The following AMER1 variants were observed in gnomAD, a reference collection of about 807,000 sequenced individuals.
AMER1 encodes the protein RP11-403E24.2.
AMER1 carries 16 observed loss-of-function variants against 53.0 expected under a neutral mutation model. That is an observed-to-expected ratio of 0.30 (90% CI 0.20 to 0.46). The LOEUF (loss-of-function observed/expected upper bound fraction) is 0.46, where lower values mean the gene tolerates loss of function less well. Ranked by LOEUF, AMER1 falls within the 20% of genes least tolerant of loss-of-function variation. The probability of loss-of-function intolerance (pLI) is 1.00; values close to 1 mark genes in which losing one functional copy is unlikely to be tolerated. For missense variants in AMER1, 947 were observed against 884.9 expected (o/e 1.07, Z -0.89); for synonymous variants, 354 against 331.9 (o/e 1.07, Z -0.73).
Position 64,189,793 on chromosome X carries a change from A to G in AMER1, c.*86T>C. On this transcript the variant is annotated 3_prime_UTR_variant, in exon 2 of 2. Coordinates refer to ENST00000374869, the MANE Select transcript of AMER1 (RefSeq NM_152424.4). ...CAAAGGGTTTTCAAGTTAAACAACA[A>G]CCCCCACCCCCCCACCCTTCTGCCC... The G allele has an allele frequency of 1.8e-4, 53 of 291,454 alleles. No individual in the cohort carries two copies. The highest frequency in any genetic ancestry group is 1.0e-3 in the East Asian group (6 of 5,955). 24.0% of individuals were successfully genotyped at this position (291,454 alleles called of 1,213,427 possible). A position where few individuals can be genotyped will look rare whatever the true frequency, so the allele number is the denominator to read the frequency against.
chrX:64,188,901 T>C lies in AMER1; in HGVS notation c.*978A>G. 1.2e-6 allele frequency: 1 copy of C among 807,684 alleles called. No individual in the cohort carries two copies. Among genetic ancestry groups the C allele is most frequent in the Non-Finnish European group, 1.5e-6 (1 of 672,236 alleles). 66.6% of individuals were successfully genotyped at this position (807,684 alleles called of 1,213,427 possible). A position where few individuals can be genotyped will look rare whatever the true frequency, so the allele number is the denominator to read the frequency against. On this transcript the variant is annotated 3_prime_UTR_variant, in exon 2 of 2. Transcript: ENST00000374869. ...TCCTTGTGATGAGATTATGAAAATT[T>C]CCTTTAGAGGAAAAAAGAACAAAAA...
Position 64,188,337 on chromosome X carries a change from T to C in AMER1, c.*1542A>G. 2.5e-6 allele frequency: 2 copies of C among 802,497 alleles called. No homozygotes were observed. The highest frequency in any genetic ancestry group is 3.0e-6 in the Non-Finnish European group (2 of 668,668). The allele number at this position is 802,497 out of a possible 1,213,427, so 66.1% of individuals were successfully genotyped here. A position where few individuals can be genotyped will look rare whatever the true frequency, so the allele number is the denominator to read the frequency against. On this transcript the variant is annotated 3_prime_UTR_variant, in exon 2 of 2. Coordinates refer to ENST00000374869, the MANE Select transcript of AMER1 (RefSeq NM_152424.4). ...AAAAGGAACCCTCTCCTACAGGTGATTAATGAGAGGTTGAGCTTGGCAAGA... is the reference window on the plus strand; with the variant it reads ...AAAAGGAACCCTCTCCTACAGGTGACTAATGAGAGGTTGAGCTTGGCAAGA...
At chrX:64,194,606 A>T (rs1930328389) in intron 1 of AMER1, among the ~76,000 whole-genome samples, 1 of 111,354 alleles carries the variant, frequency 9.0e-6, no homozygotes, top group Non-Finnish European at 1.9e-5. Context: ...GAGTGGCACC[A>T]GCAGATGGGG....
chrX:64,189,793 A>ACCT lies in AMER1; in HGVS notation c.*85_*86insAGG. ...CAAAGGGTTTTCAAGTTAAACAACA[A>ACCT]CCCCCACCCCCCCACCCTTCTGCCC... is the stretch of plus-strand genomic sequence containing the variant. On this transcript the variant is annotated 3_prime_UTR_variant, in exon 2 of 2. Transcript: ENST00000374869. 1.4e-5 allele frequency: 4 copies of ACCT among 292,072 alleles called. No homozygotes were observed. The highest frequency in any genetic ancestry group is 6.5e-5 in the South Asian group (1 of 15,354). The allele number at this position is 292,072 out of a possible 1,213,427, so 24.1% of individuals were successfully genotyped here. A position where few individuals can be genotyped will look rare whatever the true frequency, so the allele number is the denominator to read the frequency against.
In AMER1 at chrX:64,189,640, C is replaced by T; in HGVS notation, c.*239G>A. 1.0e-6 allele frequency: 1 copy of T among 990,718 alleles called. No homozygotes were observed. Among genetic ancestry groups the T allele is most frequent in the Non-Finnish European group, 1.3e-6 (1 of 788,301 alleles). The allele number at this position is 990,718 out of a possible 1,213,427, so 81.6% of individuals were successfully genotyped here. On this transcript the variant is annotated 3_prime_UTR_variant, in exon 2 of 2. Coordinates refer to ENST00000374869, the MANE Select transcript of AMER1 (RefSeq NM_152424.4). ...GGGTCACAAGAAGAAACCTCGAAAG[C>T]AAAAACTGGAGTGCAGTAGCAGCAG...
chrX:64,189,793 ACC>A lies in AMER1; in HGVS notation c.*84_*85del. The A allele has an allele frequency of 8.2e-5, 24 of 292,039 alleles. No individual in the cohort carries two copies. The highest frequency in any genetic ancestry group is 1.7e-4 in the Admixed American group (2 of 11,826). The allele number at this position is 292,039 out of a possible 1,213,427, so 24.1% of individuals were successfully genotyped here. On this transcript the variant is annotated 3_prime_UTR_variant, in exon 2 of 2. Transcript: ENST00000374869. Reference sequence around the variant, plus strand: ...CAAAGGGTTTTCAAGTTAAACAACAACCCCCACCCCCCCACCCTTCTGCCCAA... The same window carrying A: ...CAAAGGGTTTTCAAGTTAAACAACAACCCACCCCCCCACCCTTCTGCCCAA...
intron 1 of AMER1, among the ~76,000 whole-genome samples, chrX:64,201,596 C>T (rs1017840043): frequency 2.7e-5 from 3 of 111,525 alleles, no homozygotes; most frequent in Non-Finnish European, 5.6e-5. Context: ...TGAAATATTG[C>T]CTCAGGGGCT....
At position 64,189,793 on chromosome X, in the gene AMER1, A is replaced by AGGGGGGGGCCCC; in HGVS notation, c.*85_*86insGGGGCCCCCCCC. 6.8e-6 allele frequency: 2 copies of AGGGGGGGGCCCC among 292,068 alleles called. No homozygotes were observed. Among genetic ancestry groups the AGGGGGGGGCCCC allele is most frequent in the Non-Finnish European group, 9.8e-6 (2 of 204,828 alleles). 24.1% of individuals were successfully genotyped at this position (292,068 alleles called of 1,213,427 possible). Reference sequence around the variant, plus strand: ...CAAAGGGTTTTCAAGTTAAACAACAACCCCCACCCCCCCACCCTTCTGCCC... The same window carrying AGGGGGGGGCCCC: ...CAAAGGGTTTTCAAGTTAAACAACAAGGGGGGGGCCCCCCCCCACCCCCCCACCCTTCTGCCC... On this transcript the variant is annotated 3_prime_UTR_variant, in exon 2 of 2. Coordinates refer to ENST00000374869, the MANE Select transcript of AMER1 (RefSeq NM_152424.4).
At position 64,193,269 on chromosome X, in the gene AMER1, A is replaced by C. The variant is rs2147091537; in HGVS notation, c.18T>G (p.Asp6Glu). The change falls in exon 2 of 2, where the codon GAT becomes GAG. Residue 6 changes from aspartate (D) to glutamate (E), a missense_variant. Asp to Glu is a conservative substitution (Grantham distance 45). Transcript: ENST00000374869. METQK[D>E]EAAQAKGAAA... ...CAGCTCCCTTGGCCTGAGCAGCTTC[A>C]TCCTTTTGGGTCTCCATGATGATGG... 1 of 1,211,571 alleles carries C rather than the reference A, an allele frequency of 8.3e-7. No individual in the cohort carries two copies. The highest frequency in any genetic ancestry group is 1.1e-6 in the Non-Finnish European group (1 of 895,504).
rs938087623 is a variant in AMER1, at chrX:64,193,388, G to T, written c.-98-4C>A. On this transcript the variant is annotated splice_region_variant and splice_polypyrimidine_tract_variant and intron_variant, in intron 1 of 1. Coordinates refer to ENST00000374869, the MANE Select transcript of AMER1 (RefSeq NM_152424.4). ...TCAGGAAGCATCACAGTGGGGTCTG[G>T]AGGAGATAGGAGAGACAAAGACAGA... 6.3e-6 allele frequency: 7 copies of T among 1,119,489 alleles called. No homozygotes were observed. Among genetic ancestry groups the T allele is most frequent in the Non-Finnish European group, 8.5e-6 (7 of 824,164 alleles). 92.3% of individuals were successfully genotyped at this position (1,119,489 alleles called of 1,213,427 possible).
Position 64,186,193 on chromosome X carries a change from G to A in AMER1, c.*3686C>T, listed in dbSNP as rs907718501. ...GCATCTTCTGCTGTCCCTATCATGG[G>A]GGGAGGGAACGGACAGTGTGGTACA... On this transcript the variant is annotated 3_prime_UTR_variant, in exon 2 of 2. Coordinates refer to ENST00000374869, the MANE Select transcript of AMER1 (RefSeq NM_152424.4). The A allele has an allele frequency of 8.3e-7, 1 of 1,209,239 alleles. No homozygotes were observed. Among genetic ancestry groups the A allele is most frequent in the Non-Finnish European group, 1.1e-6 (1 of 894,011 alleles).
Position 64,189,793 on chromosome X carries a change from A to ACCGGGGCCCCCCCCCCCCCC in AMER1, c.*85_*86insGGGGGGGGGGGGGGCCCCGG. 3.4e-6 allele frequency: 1 copy of ACCGGGGCCCCCCCCCCCCCC among 292,070 alleles called. No individual in the cohort carries two copies. The highest frequency in any genetic ancestry group is 4.9e-6 in the Non-Finnish European group (1 of 204,828). The allele number at this position is 292,070 out of a possible 1,213,427, so 24.1% of individuals were successfully genotyped here. A position where few individuals can be genotyped will look rare whatever the true frequency, so the allele number is the denominator to read the frequency against. On this transcript the variant is annotated 3_prime_UTR_variant, in exon 2 of 2. Transcript: ENST00000374869. ...CAAAGGGTTTTCAAGTTAAACAACAACCCCCACCCCCCCACCCTTCTGCCC... is the reference window on the plus strand; with the variant it reads ...CAAAGGGTTTTCAAGTTAAACAACAACCGGGGCCCCCCCCCCCCCCCCCCCACCCCCCCACCCTTCTGCCC...
chrX:64,203,393 C>G (rs942316881), intron 1 of AMER1, among the ~76,000 whole-genome samples: 4 of 111,572 alleles, frequency 3.6e-5, no homozygotes, highest in Non-Finnish European at 7.5e-5. Context: ...ACAAAGAAAG[C>G]AAGTCCTTCC....
rs1467013819 is a variant in AMER1, at chrX:64,192,946, G to C, written c.341C>G (p.Thr114Ser). Residue 114 changes from threonine to serine, a missense_variant, in exon 2 of 2, where the codon ACT becomes AGT. Coordinates refer to ENST00000374869, the MANE Select transcript of AMER1 (RefSeq NM_152424.4). ...CTCAGGCAAAGGCAGGGAGAAGCCA[G>C]TTCCTTCACTGACAACATCTTCAGG... ...HGPEDVVSEG[T>S]GFSLPLPELP... The C allele has an allele frequency of 2.5e-6, 3 of 1,211,803 alleles. No individual in the cohort carries two copies. The highest frequency in any genetic ancestry group is 2.2e-6 in the Non-Finnish European group (2 of 895,565).
rs777633799 is a variant in AMER1, at chrX:64,192,378, G to A, written c.909C>T (p.Gly303=). Residue 303 remains glycine (G), a synonymous_variant, in exon 2 of 2, where the codon GGC becomes GGT. Transcript: ENST00000374869. ...VVAGEVNPPN[G]PVGDPLSLLF... is the part of the protein sequence containing the mutation. ...AGAGGCTCAGTGGGTCCCCCACAGG[G>A]CCATTGGGTGGGTTTACCTCTCCTG... is the stretch of plus-strand genomic sequence containing the variant. The A allele has an allele frequency of 4.1e-6, 5 of 1,211,291 alleles. No homozygotes were observed. The highest frequency in any genetic ancestry group is 5.6e-6 in the Non-Finnish European group (5 of 895,442).
rs1404145233 is a variant in AMER1 at position 64,186,013 on chromosome X, GA to G, written c.*3865del. ...AAACTAAAGCACAAAACATAACGAG[GA>G]AAAAAAATAAGACACATGAGTACTC... On this transcript the variant is annotated 3_prime_UTR_variant, in exon 2 of 2. Coordinates refer to ENST00000374869, the MANE Select transcript of AMER1 (RefSeq NM_152424.4). The G allele has an allele frequency of 7.8e-5, 58 of 743,987 alleles. No individual in the cohort carries two copies. The highest frequency in any genetic ancestry group is 6.7e-4 in the East Asian group (19 of 28,474). The allele number at this position is 743,987 out of a possible 1,213,427, so 61.3% of individuals were successfully genotyped here.
At chrX:64,200,611 G>C (rs1930468841) in intron 1 of AMER1, among the ~76,000 whole-genome samples, 1 of 111,646 alleles carries the variant, frequency 9.0e-6, no homozygotes, top group Non-Finnish European at 1.9e-5. Context: ...GCCCTGAGAG[G>C]CTGGGGGAGG....
Position 64,186,788 on chromosome X carries a change from T to G in AMER1, c.*3091A>C, listed in dbSNP as rs1431116081. ...CAAGGCAGTGCTTCCTTGGAGACTC[T>G]AAAGCACCAAGAAACTGGCATCCTG... On this transcript the variant is annotated 3_prime_UTR_variant, in exon 2 of 2. Transcript: ENST00000374869. The G allele has an allele frequency of 1.3e-6, 1 of 774,500 alleles. No homozygotes were observed. Among genetic ancestry groups the G allele is most frequent in the Non-Finnish European group, 1.5e-6 (1 of 651,008 alleles). 63.8% of individuals were successfully genotyped at this position (774,500 alleles called of 1,213,427 possible).
chrX:64,195,970 T>C lies in AMER1; in HGVS notation c.-98-2586A>G, dbSNP rs193234702. Among the ~76,000 whole-genome samples the C allele has an allele frequency of 1.4e-3, 154 of 112,612 alleles. 1 individual carries two copies. Among genetic ancestry groups the C allele is most frequent in the Middle Eastern group, 4.7e-3 (1 of 215 alleles). On this transcript the variant is annotated intron_variant, in intron 1 of 1. Coordinates refer to ENST00000374869, the MANE Select transcript of AMER1 (RefSeq NM_152424.4). ...CATCCTTGTGAATCAAAGGCTGACT[T>C]GTCCTGCTGGGTTTGGGGCTGGAGT...
Sources: gnomAD v4.1 joint callset for allele counts (sites outside exome capture counted in the v4.1 genomes callset) on GRCh38, gnomAD v4.1.1 for gene constraint, MANE v1.5 for transcripts, NCBI Gene and HGNC (gene_info 2026-07-23, HGNC 2026-07-21) for gene names.